SLC9D1: variants seen among roughly 807,000 people sequenced by gnomAD.
SLC9D1 encodes the protein putative LAG1-interacting protein.
the SLC9D1 span, chr13:113,503,879 G>A: frequency 3.6e-5 from 12 of 334,866 alleles, no homozygotes; most frequent in African/African-American, 4.3e-5. Context: ...TCTAAGGTGC[G>A]AAACTGTTAG....
the SLC9D1 span, chr13:113,530,624 T>C: frequency 1.3e-5 from 2 of 152,204 alleles, no homozygotes; most frequent in African/African-American, 2.4e-5. Flanking sequence ...TGCAACATAA[T>C]AGACTCTGCT....
chr13:113,505,040 A>T, the SLC9D1 span: 2 of 151,896 alleles, frequency 1.3e-5, no homozygotes, highest in African/African-American at 4.8e-5. Context: ...TTTGATTTGC[A>T]TTTTCCTGAT....
At chr13:113,536,540 A>G in the SLC9D1 span, 1 of 984,242 alleles carries the variant, frequency 1.0e-6, no homozygotes, top group African/African-American at 1.7e-5. Context: ...CTCTTTGAAA[A>G]TAACTCCCAG....
At chr13:113,497,546 G>A in the SLC9D1 span, among the ~76,000 whole-genome samples, 2 of 150,016 alleles carry the variant, frequency 1.3e-5, no homozygotes, top group Non-Finnish European at 1.5e-5. Flanking sequence ...GCAGCTGTGC[G>A]AGACTTGTAG....
At chr13:113,536,190 C>T in the SLC9D1 span, among the ~76,000 whole-genome samples, 3 of 152,036 alleles carry the variant, frequency 2.0e-5, no homozygotes, top group African/African-American at 7.2e-5. Context: ...CCAGCTTGGC[C>T]AACATGGTGA....
At chr13:113,515,373 A>G in the SLC9D1 span, among the ~76,000 whole-genome samples, 1 of 152,230 alleles carries the variant, frequency 6.6e-6, no homozygotes, top group African/African-American at 2.4e-5. Context: ...TGAACTTTAC[A>G]TACATGCAAA....
At chr13:113,495,512 G>T in the SLC9D1 span, 1 of 1,072,768 alleles carries the variant, frequency 9.3e-7, no homozygotes, top group Non-Finnish European at 1.4e-6. Flanking sequence ...CTGAAAATGT[G>T]TGTCTGACAT....
the SLC9D1 span, among the ~76,000 whole-genome samples, chr13:113,521,183 C>T: frequency 6.0e-5 from 9 of 149,988 alleles, no homozygotes; most frequent in African/African-American, 1.5e-4. Flanking sequence ...TATGTATTCA[C>T]GTGTATCTGC....
At chr13:113,510,279 G>T in the SLC9D1 span, 2 of 1,614,234 alleles carry the variant, frequency 1.2e-6, no homozygotes, top group Non-Finnish European at 1.7e-6. Context: ...ACATGACACT[G>T]TTAATGATTG....
At chr13:113,537,474 C>T in the SLC9D1 span, among the ~76,000 whole-genome samples, 10 of 152,350 alleles carry the variant, frequency 6.6e-5, no homozygotes, top group East Asian at 1.2e-3. Flanking sequence ...ACCAGCACTT[C>T]GCCCCTTTTT....
At chr13:113,515,723 C>T in the SLC9D1 span, among the ~76,000 whole-genome samples, 9 of 151,906 alleles carry the variant, frequency 5.9e-5, no homozygotes, top group South Asian at 1.7e-3. Flanking sequence ...AACCCCGTCT[C>T]TACTAAAAAT....
chr13:113,501,322 C>A, the SLC9D1 span, among the ~76,000 whole-genome samples: 1 of 152,140 alleles, frequency 6.6e-6, no homozygotes, highest in Non-Finnish European at 1.5e-5. Context: ...AATAAAAATA[C>A]AAATAAAATA....
the SLC9D1 span, among the ~76,000 whole-genome samples, chr13:113,543,737 T>G: frequency 6.6e-6 from 1 of 150,876 alleles, no homozygotes; most frequent in Non-Finnish European, 1.5e-5. Flanking sequence ...TTGTTGAGTG[T>G]GCATGTCTGA....
chr13:113,534,260 T>C, the SLC9D1 span: 1 of 1,573,772 alleles, frequency 6.4e-7, no homozygotes, highest in Non-Finnish European at 8.7e-7. Flanking sequence ...AAACTATGTG[T>C]TATTTATGTA....
At chr13:113,545,112 T>G in the SLC9D1 span, among the ~76,000 whole-genome samples, 1 of 152,220 alleles carries the variant, frequency 6.6e-6, no homozygotes, top group Non-Finnish European at 1.5e-5. Context: ...CCCTCCCTGG[T>G]GGATGCAGGT....
At chr13:113,531,183 A>G in the SLC9D1 span, among the ~76,000 whole-genome samples, 1 of 152,238 alleles carries the variant, frequency 6.6e-6, no homozygotes. Context: ...GAGAACCGGG[A>G]CAGCCCTTGC....
the SLC9D1 span, among the ~76,000 whole-genome samples, chr13:113,536,157 C>A: frequency 6.6e-6 from 1 of 152,134 alleles, no homozygotes; most frequent in Non-Finnish European, 1.5e-5. Context: ...GTGGGTAGAT[C>A]TTCTGAGGTC....
chr13:113,550,163 C>T, the SLC9D1 span: 1 of 152,514 alleles, frequency 6.6e-6, no homozygotes, highest in Non-Finnish European at 1.5e-5. Flanking sequence ...AATATGTATT[C>T]TTTAATAAAG....
chr13:113,539,092 T>A, the SLC9D1 span, among the ~76,000 whole-genome samples: 1 of 152,244 alleles, frequency 6.6e-6, no homozygotes, highest in African/African-American at 2.4e-5. The surrounding 1 kb of genome is among the most constrained non-coding windows in gnomAD (Gnocchi z 4.8). Flanking sequence ...CATTCAAAAA[T>A]TTCAGCGCAA....
Sources: allele counts gnomAD v4.1 joint callset (sites outside exome capture counted in the v4.1 genomes callset), GRCh38; gene constraint gnomAD v4.1.1; non-coding constraint Gnocchi (gnomAD v3.1); transcripts MANE v1.5; gene names NCBI Gene and HGNC (gene_info 2026-07-23, HGNC 2026-07-21).